Variants in C1GALT1 observed in about 807,000 individuals in gnomAD.
C1GALT1 encodes the protein glycoprotein-N-acetylgalactosamine 3-beta-galactosyltransferase 1.
C1GALT1 carries 11 observed loss-of-function variants against 31.0 expected under a neutral mutation model. That is an observed-to-expected ratio of 0.36 (90% CI 0.22 to 0.59). C1GALT1 has a LOEUF of 0.59. Ranked by LOEUF, C1GALT1 falls within the 20% of genes least tolerant of loss-of-function variation. The pLI is 0.79. For missense variants in C1GALT1, 424 were observed against 425.2 expected (o/e 1.00, Z 0.03); for synonymous variants, 175 against 143.6 (o/e 1.22, Z -1.56).
intron 1 of C1GALT1, among the ~76,000 whole-genome samples, chr7:7,186,320 A>T (rs1780814844): frequency 6.6e-6 from 1 of 152,216 alleles, no homozygotes; most frequent in Non-Finnish European, 1.5e-5. Flanking sequence ...TTCAGACCAC[A>T]GCAAGTGCTT....
chr7:7,193,818 T>C (rs545003160), intron 1 of C1GALT1, among the ~76,000 whole-genome samples: 2 of 152,318 alleles, frequency 1.3e-5, no homozygotes, highest in East Asian at 3.9e-4. Context: ...GCATGGAATG[T>C]GTTTCCATTT....
In C1GALT1 at chr7:7,234,328, T is replaced by C; in HGVS notation, c.9T>C (p.Ser3=). MA[S]KSWLNFLTFL... The stretch of plus-strand genomic sequence containing the variant: ...AAATACACTTTCGGGAAATGGCCTC[T>C]AAATCCTGGCTGAATTTTTTAACCT... The change falls in exon 2 of 4, where the codon TCT becomes TCC. Residue 3 remains serine, a synonymous_variant. Coordinates refer to ENST00000436587, the MANE Select transcript of C1GALT1 (RefSeq NM_020156.5). 6.2e-6 allele frequency: 10 copies of C among 1,613,686 alleles called. No individual in the cohort carries two copies. Among genetic ancestry groups the C allele is most frequent in the Non-Finnish European group, 8.5e-6 (10 of 1,179,770 alleles).
intron 1 of C1GALT1, among the ~76,000 whole-genome samples, chr7:7,203,369 G>T (rs1781600402): frequency 6.6e-6 from 1 of 151,990 alleles, no homozygotes; most frequent in Non-Finnish European, 1.5e-5. Flanking sequence ...GATGTTCACT[G>T]TGGGTTTCTC....
intron 2 of C1GALT1, among the ~76,000 whole-genome samples, chr7:7,176,875 G>A (rs888461761): frequency 6.6e-6 from 1 of 152,180 alleles, no homozygotes; most frequent in African/African-American, 2.4e-5. Context: ...TTTTCAATAG[G>A]AGACGAGAAG....
intron 1 of C1GALT1, among the ~76,000 whole-genome samples, chr7:7,197,022 G>A (rs931931503): frequency 6.6e-6 from 1 of 152,056 alleles, no homozygotes; most frequent in Admixed American, 6.5e-5. Context: ...AGTTTCTTTT[G>A]CTGTGCAGAA....
intron 1 of C1GALT1, among the ~76,000 whole-genome samples, chr7:7,208,200 G>C (rs985903933): frequency 3.3e-5 from 5 of 151,364 alleles, no homozygotes; most frequent in Non-Finnish European, 7.4e-5. Context: ...ATAAAGTTAA[G>C]GTTCAATAAA....
intron 3 of C1GALT1, among the ~76,000 whole-genome samples, chr7:7,239,214 A>T (rs774333841): frequency 3.3e-5 from 5 of 152,190 alleles, no homozygotes; most frequent in Non-Finnish European, 7.4e-5. Context: ...ATGAGGAGAT[A>T]TACAGTAAAC....
chr7:7,157,873 T>C (rs1346005919), intron 2 of C1GALT1, among the ~76,000 whole-genome samples: 1 of 152,216 alleles, frequency 6.6e-6, no homozygotes, highest in Admixed American at 6.5e-5. Flanking sequence ...AGACTTTATT[T>C]GAGAACTGTC....
chr7:7,197,972 C>T (rs530726959), intron 1 of C1GALT1, among the ~76,000 whole-genome samples: 1 of 152,324 alleles, frequency 6.6e-6, no homozygotes, highest in African/African-American at 2.4e-5. Context: ...ACAATCATGT[C>T]ATTTGCAAAC....
intron 2 of C1GALT1, among the ~76,000 whole-genome samples, chr7:7,172,379 C>G (rs950909124): frequency 6.6e-6 from 1 of 152,062 alleles, no homozygotes; most frequent in African/African-American, 2.4e-5. Context: ...TTTCAAGATT[C>G]TCTCTCTACC....
intron 1 of C1GALT1, among the ~76,000 whole-genome samples, chr7:7,185,072 A>G (rs1425253729): frequency 2.0e-5 from 3 of 152,168 alleles, no homozygotes; most frequent in African/African-American, 7.2e-5. Context: ...AATCTGTAAT[A>G]TGTGAGAATA....
intron 2 of C1GALT1, among the ~76,000 whole-genome samples, chr7:7,166,602 C>G (rs948573620): frequency 6.6e-6 from 1 of 152,236 alleles, no homozygotes; most frequent in African/African-American, 2.4e-5. Flanking sequence ...GTCACAACAT[C>G]AAATTATGCA....
chr7:7,227,269 T>G (rs530569277), intron 1 of C1GALT1, among the ~76,000 whole-genome samples: 1 of 152,306 alleles, frequency 6.6e-6, no homozygotes, highest in African/African-American at 2.4e-5. Flanking sequence ...CCTCTAAAAC[T>G]CATGTTGAAA....
intron 1 of C1GALT1, among the ~76,000 whole-genome samples, chr7:7,216,941 C>T (rs1229735955): frequency 6.6e-6 from 1 of 151,694 alleles, no homozygotes; most frequent in Non-Finnish European, 1.5e-5. Flanking sequence ...TTCTAACAGA[C>T]CTCTTTTTCC....
In C1GALT1 at chr7:7,247,011, G is replaced by A. The variant is rs1473011031; in HGVS notation, c.*3284G>A. 4 of 152,028 alleles carry A rather than the reference G, an allele frequency of 2.6e-5. No homozygotes were observed. The highest frequency in any genetic ancestry group is 1.3e-4 in the Admixed American group (2 of 15,272). The allele number at this position is 152,028 out of a possible 1,614,324, so 9.4% of individuals were successfully genotyped here. A position where few individuals can be genotyped will look rare whatever the true frequency, so the allele number is the denominator to read the frequency against. On this transcript the variant is annotated 3_prime_UTR_variant, in exon 4 of 4. Transcript: ENST00000436587. Reference sequence around the variant, plus strand: ...AGTTTAGTAATTTTATATTGAGGCAGGAAGGGCTCATTAAGTACTAATAAG... The same window carrying A: ...AGTTTAGTAATTTTATATTGAGGCAAGAAGGGCTCATTAAGTACTAATAAG...
At position 7,169,479 on chromosome 7, in the gene C1GALT1, G is replaced by C. The variant is rs549898973; in HGVS notation, c.-18+12053G>C. Among the ~76,000 whole-genome samples the C allele has an allele frequency of 1.2e-3, 184 of 151,898 alleles. 3 individuals carry two copies. The South Asian group carries it at 0.026, about 21-fold the overall frequency. On this transcript the variant is annotated intron_variant, in intron 2 of 3. Transcript: ENST00000429911. ...ACCATTTTACATTCCCACCAGTAAT[G>C]TGCAAATGTTCCAATTTCTCCACAT... is the stretch of plus-strand genomic sequence containing the variant.
At chr7:7,187,527 A>G (rs1780873579) in intron 1 of C1GALT1, among the ~76,000 whole-genome samples, 2 of 152,166 alleles carry the variant, frequency 1.3e-5, no homozygotes, top group Admixed American at 6.5e-5. Flanking sequence ...ACATTTAGCA[A>G]TGTCTACAGA....
At chr7:7,221,405 A>G (rs184099970) in intron 1 of C1GALT1, among the ~76,000 whole-genome samples, 30 of 152,274 alleles carry the variant, frequency 2.0e-4, no homozygotes, top group African/African-American at 7.0e-4. Context: ...CAAGATATTA[A>G]TGGTGGTATG....
chr7:7,237,232 G>C (rs1562596629), intron 2 of C1GALT1, among the ~76,000 whole-genome samples: 1 of 152,150 alleles, frequency 6.6e-6, no homozygotes, highest in Non-Finnish European at 1.5e-5. Context: ...ACCACAGATA[G>C]CTTGGGAAGT....
Sources: gnomAD v4.1 joint callset for allele counts (sites outside exome capture counted in the v4.1 genomes callset) on GRCh38, gnomAD v4.1.1 for gene constraint, MANE v1.5 for transcripts, NCBI Gene and HGNC (gene_info 2026-07-23, HGNC 2026-07-21) for gene names.